CLUH: variants seen among roughly 807,000 people sequenced by gnomAD.
CLUH encodes clustered mitochondria protein homolog.
A neutral mutation model predicts 139.3 loss-of-function variants in CLUH; 77 were observed. The ratio of observed to expected loss-of-function variants is 0.55; its 90% CI spans 0.46 to 0.67. The LOEUF is 0.67. Ranked by LOEUF, CLUH falls within the 30% of genes least tolerant of loss-of-function variation. The pLI, the probability that CLUH is intolerant of heterozygous loss-of-function variation, is 0.00. For synonymous variants in CLUH, 999 were observed against 801.6 expected, an observed-to-expected ratio of 1.25 and a Z score of -4.16; for missense variants, 1,876 against 1,875.8, an observed-to-expected ratio of 1.00 and a Z score of 0.00.
chr17:2,700,760 T>TG lies in CLUH; in HGVS notation c.1090dup (p.Gln364ProfsTer22). ...CACGCAATCCATGGCATGCTCCGCCTGGGGGGCTGTCCAGCTGTACACCTG... is the reference window on the plus strand; with the variant it reads ...CACGCAATCCATGGCATGCTCCGCCTGGGGGGGCTGTCCAGCTGTACACCTG... On this transcript the variant is annotated frameshift_variant, in exon 8 of 26. Transcript: ENST00000651024. LOFTEE classifies it high-confidence loss of function. The TG allele has an allele frequency of 2.6e-6, 4 of 1,545,416 alleles. No individual in the cohort carries two copies. The highest frequency in any genetic ancestry group is 1.4e-5 in the African/African-American group (1 of 72,580).
At chr17:2,694,822 T>TACCCCCCCCCCCCCCCCCCCCCCCC in intron 16 of CLUH, 35 bp downstream of exon 16, 4 of 1,346,336 alleles carry the variant, frequency 3.0e-6, no homozygotes, top group Non-Finnish European at 4.0e-6. Context: ...ATCTGCCCAA[T>TACCCCCCCCCCCCCCCCCCCCCCCC]CCCACCCACC....
In CLUH at chr17:2,701,504, T is replaced by C; in HGVS notation, c.761A>G (p.Lys254Arg). Residue 254 changes from lysine (K) to arginine (R), a missense_variant, in exon 6 of 26, where the codon AAA becomes AGA. Coordinates refer to ENST00000651024, the MANE Select transcript of CLUH (RefSeq NM_001366661.1). Reference sequence around the variant, plus strand: ...GTTCCATCCGCTCATGGTGAGTACTTTCAGGCACTGCAAGGGCTTCGGGAG... The same window carrying C: ...GTTCCATCCGCTCATGGTGAGTACTCTCAGGCACTGCAAGGGCTTCGGGAG... ...NRDWKPLQCL[K>R]VLTMSGWNPP... 6.2e-7 allele frequency: 1 copy of C among 1,613,864 alleles called. No individual in the cohort carries two copies. The highest frequency in any genetic ancestry group is 8.5e-7 in the Non-Finnish European group (1 of 1,179,860).
intron 19 of CLUH, 32 bp from the exon 20 acceptor site, chr17:2,692,892 T>TG (rs927856302): frequency 6.5e-7 from 1 of 1,544,640 alleles, no homozygotes; most frequent in Non-Finnish European, 8.7e-7. Context: ...TGCCGCGGCG[T>TG]GGGAACCCCC....
chr17:2,696,676 G>A, intron 11 of CLUH, 43 bp downstream of exon 11: 1 of 1,602,190 alleles, frequency 6.2e-7, no homozygotes, highest in Non-Finnish European at 8.5e-7. Flanking sequence ...CACCCTGGCA[G>A]GGCCAGCCCG....
At chr17:2,696,107 G>C in intron 13 of CLUH, 52 bp downstream of exon 13, 1 of 1,417,134 alleles carries the variant, frequency 7.1e-7, no homozygotes. Flanking sequence ...GACAGATGAG[G>C]GACCAGCACC....
intron 3 of CLUH, among the ~76,000 whole-genome samples, chr17:2,702,746 G>A (rs557808126): frequency 6.6e-6 from 1 of 150,536 alleles, no homozygotes; most frequent in South Asian, 2.1e-4. Context: ...GATCTCTACA[G>A]AACTGAACTG....
At chr17:2,701,585 C>G in intron 5 of CLUH, 28 bp downstream of exon 5, 1 of 1,610,314 alleles carries the variant, frequency 6.2e-7, no homozygotes, top group Non-Finnish European at 8.5e-7. Flanking sequence ...CGCCAGGGAC[C>G]CTCTTCCTCC....
At chr17:2,691,976 C>CCGCCG in intron 23 of CLUH, 28 bp downstream of exon 23, 1 of 547,908 alleles carries the variant, frequency 1.8e-6, no homozygotes, top group Non-Finnish European at 2.2e-6. Flanking sequence ...CGCCCCGCCC[C>CCGCCG]CGCCCCCGCC....
chr17:2,710,007 A>C (rs1597632074), intron 1 of CLUH, among the ~76,000 whole-genome samples: 3 of 129,660 alleles, frequency 2.3e-5, no homozygotes, highest in East Asian at 2.4e-4. Context: ...TGACTCCCTC[A>C]CAGAAATCCT....
Position 2,704,211 on chromosome 17 carries a change from A to T in CLUH, c.303+151T>A. On this transcript the variant is annotated intron_variant, in intron 2 of 25. Transcript: ENST00000651024. This position sits in a 1 kb window ranked among gnomAD's most constrained non-coding sequence, Gnocchi z 5.7. ...CCTGGGCTCGATTCCCACGTCCACC[A>T]CGCTAGCTGAGTGACTCTAGGGAGG... is the stretch of plus-strand genomic sequence containing the variant. 1.2e-6 allele frequency: 1 copy of T among 815,010 alleles called. No homozygotes were observed. Among genetic ancestry groups the T allele is most frequent in the Non-Finnish European group, 1.9e-6 (1 of 529,996 alleles). 50.5% of individuals were successfully genotyped at this position (815,010 alleles called of 1,614,324 possible).
At position 2,695,287 on chromosome 17, in the gene CLUH, G is replaced by A; in HGVS notation, c.2545-7C>T. The A allele has an allele frequency of 6.2e-7, 1 of 1,613,828 alleles. No homozygotes were observed. Among genetic ancestry groups the A allele is most frequent in the Non-Finnish European group, 8.5e-7 (1 of 1,179,848 alleles). On this transcript the variant is annotated splice_polypyrimidine_tract_variant and splice_region_variant and intron_variant, in intron 14 of 25. Transcript: ENST00000651024. ...GTTCTCCAATGCCGATTTTCTGGAA[G>A]GATTCAGAAGGGAGGTCTTGGTCAG...
rs547012770 is a variant in CLUH, at chr17:2,699,795, C to T, written c.1266+587G>A. Among the ~76,000 whole-genome samples, 52 of 152,244 alleles carry T rather than the reference C, an allele frequency of 3.4e-4. No individual in the cohort carries two copies. The South Asian group carries it at 0.01, about 30-fold the overall frequency. On this transcript the variant is annotated intron_variant, in intron 9 of 25. Coordinates refer to ENST00000651024, the MANE Select transcript of CLUH (RefSeq NM_001366661.1). ...TACAGGCATGCGCCACCACACCCAGCTAATTTTTGTATTTTTAGTGGAGAT... is the reference window on the plus strand; with the variant it reads ...TACAGGCATGCGCCACCACACCCAGTTAATTTTTGTATTTTTAGTGGAGAT...
Position 2,693,003 on chromosome 17 carries a change from G to T in CLUH, c.3232-143C>A, listed in dbSNP as rs931385254. 84 of 694,424 alleles carry T rather than the reference G, an allele frequency of 1.2e-4. No homozygotes were observed. In the Middle Eastern group the frequency reaches 1.3e-3, roughly 10 times the overall value. 43.0% of individuals were successfully genotyped at this position (694,424 alleles called of 1,614,324 possible). ...GCGCCCAGCACAGTGCAGCAGGGGG[G>T]AGGGGGATCAGCAGCAGCTGCTGCC... On this transcript the variant is annotated intron_variant, in intron 19 of 25. Transcript: ENST00000651024.
At chr17:2,700,510 C>T (rs2070139157) in intron 8 of CLUH, 36 bp from the exon 9 acceptor site, 1 of 1,591,968 alleles carries the variant, frequency 6.3e-7, no homozygotes, top group Non-Finnish European at 8.5e-7. Flanking sequence ...ACGAGCTCAG[C>T]CTGTGCCCTG....
chr17:2,694,822 T>TACCCCCCCC, intron 16 of CLUH, 35 bp downstream of exon 16: 49 of 1,346,312 alleles, frequency 3.6e-5, no homozygotes, highest in Non-Finnish European at 4.8e-5. Flanking sequence ...ATCTGCCCAA[T>TACCCCCCCC]CCCACCCACC....
intron 13 of CLUH, 57 bp from the exon 14 acceptor site, chr17:2,695,583 G>A (rs2069908423): frequency 2.4e-5 from 36 of 1,510,202 alleles, no homozygotes; most frequent in Non-Finnish European, 3.0e-5. Context: ...ACCCAACTGA[G>A]TCCTTCTGGG....
Position 2,698,053 on chromosome 17 carries a change from G to A in CLUH, c.1804C>T (p.Leu602Phe). 1 of 1,606,746 alleles carries A rather than the reference G, an allele frequency of 6.2e-7. No individual in the cohort carries two copies. Among genetic ancestry groups the A allele is most frequent in the East Asian group, 2.2e-5 (1 of 44,782 alleles). Residue 602 changes from leucine (L) to phenylalanine (F), a missense_variant, in exon 10 of 26, where the codon CTC becomes TTC. This residue lies in a region of CLUH where 1,454 missense variants were observed against 1,384.4 expected (regional missense o/e 1.05). Coordinates refer to ENST00000651024, the MANE Select transcript of CLUH (RefSeq NM_001366661.1). ...IIGNDGRHYI[L>F]DLLRTFPPDL... ...GGGGGGAAGGTGCGCAGCAGGTCGA[G>A]GATGTAGTGGCGCCCGTCGTTGCCA...
Position 2,694,232 on chromosome 17 carries a change from C to T in CLUH, c.2982G>A (p.Ala994=), listed in dbSNP as rs202008336. The T allele has an allele frequency of 6.8e-6, 11 of 1,611,296 alleles. No individual in the cohort carries two copies. The highest frequency in any genetic ancestry group is 6.7e-5 in the Admixed American group (4 of 59,728). Residue 994 remains alanine (A), a synonymous_variant, in exon 18 of 26, where the codon GCG becomes GCA. Transcript: ENST00000651024. ...TGTTGAGCACGTCCTCCTCGGTGAACGCGGGCTTGTGGCGACTGTCGAAGC... is the reference window on the plus strand; with the variant it reads ...TGTTGAGCACGTCCTCCTCGGTGAATGCGGGCTTGTGGCGACTGTCGAAGC... ...EYSFDSRHKP[A]FTEEDVLNIF... is the part of the protein sequence containing the mutation.
intron 9 of CLUH, among the ~76,000 whole-genome samples, chr17:2,698,981 A>G (rs1028275334): frequency 9.9e-4 from 150 of 152,224 alleles, no homozygotes; most frequent in Non-Finnish European, 1.9e-3. Context: ...CGGGAGGTGG[A>G]GGTTACAGTG....
Sources: allele counts gnomAD v4.1 joint callset (sites outside exome capture counted in the v4.1 genomes callset), GRCh38; gene constraint gnomAD v4.1.1; regional missense constraint gnomAD v4.1.1; non-coding constraint Gnocchi (gnomAD v3.1); transcripts MANE v1.5; gene names NCBI Gene and HGNC (gene_info 2026-07-23, HGNC 2026-07-21).